TBC1D22A: variants seen among roughly 807,000 people sequenced by gnomAD.
TBC1D22A encodes putative GTPase activator.
A neutral mutation model predicts 60.2 loss-of-function variants in TBC1D22A; 38 were observed. That is an observed-to-expected ratio of 0.63 (90% CI 0.49 to 0.83). TBC1D22A has a LOEUF of 0.83. Ranked by LOEUF, TBC1D22A falls within the 40% of genes least tolerant of loss-of-function variation. TBC1D22A has a pLI of 0.00. For missense variants in TBC1D22A, 628 were observed against 701.0 expected, an observed-to-expected ratio of 0.90 and a Z score of 1.18; for synonymous variants, 302 against 281.7, an observed-to-expected ratio of 1.07 and a Z score of -0.72.
At chr22:47,100,851 C>T (rs991085957) in intron 11 of TBC1D22A, among the ~76,000 whole-genome samples, 6 of 152,162 alleles carry the variant, frequency 3.9e-5, no homozygotes, top group Admixed American at 3.9e-4. Context: ...AGTAGGCTGC[C>T]GTCTTCAAAG....
intron 4 of TBC1D22A, among the ~76,000 whole-genome samples, chr22:46,802,756 G>A (rs568710180): frequency 6.6e-6 from 1 of 152,038 alleles, no homozygotes; most frequent in Non-Finnish European, 1.5e-5. Flanking sequence ...CATGGACGAC[G>A]TGGAGTCCTT....
rs747481407 is a variant in TBC1D22A, at chr22:46,874,562, CTTTTTTT to C, written c.638-4067_638-4061del. Among the ~76,000 whole-genome samples the C allele has an allele frequency of 3.2e-4, 13 of 40,780 alleles. No homozygotes were observed. The East Asian group carries it at 3.4e-3, about 11-fold the overall frequency. 26.8% of individuals were successfully genotyped at this position (40,780 alleles called of 152,430 possible). ...TATGTTTGTTTGGCTACAGGTATGT[CTTTTTTT>C]TTTTTTTTTTTTTTTTTTTTTTTGA... is the stretch of plus-strand genomic sequence containing the variant. On this transcript the variant is annotated intron_variant, in intron 4 of 12. Coordinates refer to ENST00000337137, the MANE Select transcript of TBC1D22A (RefSeq NM_014346.5).
intron 4 of TBC1D22A, among the ~76,000 whole-genome samples, chr22:46,805,698 G>A (rs1360907665): frequency 1.3e-5 from 2 of 152,176 alleles, no homozygotes; most frequent in African/African-American, 4.8e-5. Context: ...CGGGATTCTG[G>A]AAACAGAGAG....
intron 8 of TBC1D22A, among the ~76,000 whole-genome samples, chr22:46,970,227 C>G (rs1229364890): frequency 1.3e-5 from 2 of 152,114 alleles, no homozygotes. Flanking sequence ...CTGCCTGACC[C>G]CCACCCCCAG....
Position 47,158,476 on chromosome 22 carries a change from C to A in TBC1D22A, c.1426-15022C>A, listed in dbSNP as rs187872430. 5.5e-4 allele frequency among the ~76,000 whole-genome samples: 83 copies of A among 152,234 alleles called. 1 individual carries two copies. The Middle Eastern group carries it at 0.024, about 44-fold the overall frequency. On this transcript the variant is annotated intron_variant, in intron 12 of 12. Transcript: ENST00000337137. The stretch of plus-strand genomic sequence containing the variant: ...AGTCCTGGGTAGGGGGCAGTTCCCC[C>A]CCCAATCTGAAAAGCCCTGGGATAC...
At chr22:46,810,227 G>T (rs142154777) in intron 4 of TBC1D22A, among the ~76,000 whole-genome samples, 2 of 152,272 alleles carry the variant, frequency 1.3e-5, no homozygotes, top group Middle Eastern at 3.4e-3. Flanking sequence ...TGCATTATAC[G>T]AAGTTAAAAC....
At chr22:46,783,776 A>G (rs2084043711) in intron 1 of TBC1D22A, among the ~76,000 whole-genome samples, 1 of 152,162 alleles carries the variant, frequency 6.6e-6, no homozygotes, top group Admixed American at 6.5e-5. Flanking sequence ...GTATTCCATT[A>G]TATGTATGTA....
chr22:46,881,927 A>G (rs535058918), intron 5 of TBC1D22A, among the ~76,000 whole-genome samples: 1 of 152,318 alleles, frequency 6.6e-6, no homozygotes, highest in African/African-American at 2.4e-5. Flanking sequence ...ACAGTGCACA[A>G]TGCGAGTCAC....
At chr22:46,798,218 C>T (rs1269802930) in intron 4 of TBC1D22A, among the ~76,000 whole-genome samples, 1 of 152,268 alleles carries the variant, frequency 6.6e-6, no homozygotes, top group African/African-American at 2.4e-5. Context: ...TTTATTATTG[C>T]TGCCCTTGGT....
At position 46,775,815 on chromosome 22, in the gene TBC1D22A, G is replaced by C. The variant is rs546743252; in HGVS notation, c.62+12967G>C. ...GGGTGTCACCTAGCTGGGTTTTGTCGTGAGAGAATGTGCTGTGTTCTTGGA... is the reference window on the plus strand; with the variant it reads ...GGGTGTCACCTAGCTGGGTTTTGTCCTGAGAGAATGTGCTGTGTTCTTGGA... On this transcript the variant is annotated intron_variant, in intron 1 of 12. Coordinates refer to ENST00000337137, the MANE Select transcript of TBC1D22A (RefSeq NM_014346.5). 4.6e-5 allele frequency among the ~76,000 whole-genome samples: 7 copies of C among 152,346 alleles called. No homozygotes were observed. In the South Asian group the frequency reaches 1.4e-3, roughly 32 times the overall value.
chr22:46,765,655 T>C (rs1197478340), intron 1 of TBC1D22A, among the ~76,000 whole-genome samples: 3 of 152,076 alleles, frequency 2.0e-5, no homozygotes, highest in African/African-American at 4.8e-5. Context: ...TTAGTAGAGA[T>C]GGGGTTTCGC....
In TBC1D22A at chr22:46,974,337, G is replaced by T; in HGVS notation, c.1063G>T (p.Val355Leu). 1 of 1,610,362 alleles carries T rather than the reference G, an allele frequency of 6.2e-7. No individual in the cohort carries two copies. The change falls in exon 9 of 13, where the codon GTG becomes TTG. Residue 355 changes from valine (V) to leucine (L), a missense_variant. Val to Leu is a conservative substitution (Grantham distance 32). Coordinates refer to ENST00000337137, the MANE Select transcript of TBC1D22A (RefSeq NM_014346.5). ...GGACGTCTCCGGCGTGCCCGCAGAG[G>T]TGCTGTGCAACATCGAGGCCGACAC... ...TVDVSGVPAE[V>L]LCNIEADTYW...
intron 10 of TBC1D22A, among the ~76,000 whole-genome samples, chr22:47,026,177 A>G (rs2062251814): frequency 6.6e-6 from 1 of 152,250 alleles, no homozygotes; most frequent in Non-Finnish European, 1.5e-5. Context: ...ACAATCCAAT[A>G]TCCACTCTCA....
chr22:46,770,830 C>T (rs1301627810), intron 1 of TBC1D22A, among the ~76,000 whole-genome samples: 1 of 152,174 alleles, frequency 6.6e-6, no homozygotes, highest in African/African-American at 2.4e-5. Context: ...GGTAAGAACC[C>T]TCAGTCCTGT....
At chr22:46,890,225 G>C (rs1749574472) in intron 5 of TBC1D22A, among the ~76,000 whole-genome samples, 1 of 152,054 alleles carries the variant, frequency 6.6e-6, no homozygotes, top group African/African-American at 2.4e-5. Context: ...TGTAATCCCA[G>C]CTACTCGGGA....
At chr22:47,088,395 C>G (rs1475506957) in intron 11 of TBC1D22A, among the ~76,000 whole-genome samples, 1 of 152,146 alleles carries the variant, frequency 6.6e-6, no homozygotes, top group Non-Finnish European at 1.5e-5. Context: ...AAGGGACCCT[C>G]TCTAGCCAAA....
intron 12 of TBC1D22A, among the ~76,000 whole-genome samples, chr22:47,114,954 C>T (rs538659684): frequency 1.2e-3 from 173 of 142,592 alleles, no homozygotes; most frequent in Middle Eastern, 3.7e-3. Flanking sequence ...GAGCCTCATG[C>T]GGGCATGGTT....
Position 46,933,749 on chromosome 22 carries a change from C to T in TBC1D22A, c.1015+21561C>T, listed in dbSNP as rs755209666. ...ACTGCAGCCACGTGGCCCCTGAGCA[C>T]GGGAAATGTGACCAGCACCACTGAA... On this transcript the variant is annotated intron_variant, in intron 8 of 12. Coordinates refer to ENST00000337137, the MANE Select transcript of TBC1D22A (RefSeq NM_014346.5). 5.3e-5 allele frequency among the ~76,000 whole-genome samples: 8 copies of T among 152,342 alleles called. No homozygotes were observed. The South Asian group carries it at 1.0e-3, about 20-fold the overall frequency.
At chr22:46,857,960 G>A (rs2087654940) in intron 4 of TBC1D22A, among the ~76,000 whole-genome samples, 1 of 152,138 alleles carries the variant, frequency 6.6e-6, no homozygotes, top group Admixed American at 6.5e-5. Flanking sequence ...CGTTTTTGCA[G>A]TCGTGTTTTC....
Sources: gnomAD v4.1 joint callset for allele counts (sites outside exome capture counted in the v4.1 genomes callset) on GRCh38, gnomAD v4.1.1 for gene constraint, MANE v1.5 for transcripts, NCBI Gene and HGNC (gene_info 2026-07-23, HGNC 2026-07-21) for gene names.